RP1: variants seen among roughly 807,000 people sequenced by gnomAD.
RP1 encodes RP1 axonemal microtubule associated.
RP1 carries 16 observed loss-of-function variants against 14.8 expected under a neutral mutation model. That is an observed-to-expected ratio of 1.08 (90% confidence interval 0.73 to 1.65). The LOEUF is 1.65. RP1 is among the 40% of genes most tolerant of loss of function. RP1 has a pLI of 0.00. For missense variants in RP1, 2,631 were observed against 2,535.0 expected, an observed-to-expected ratio of 1.04 and a Z score of -0.81; for synonymous variants, 876 against 883.6, an observed-to-expected ratio of 0.99 and a Z score of 0.15.
intron 8 of RP1, among the ~76,000 whole-genome samples, chr8:54,678,165 A>G (rs1006725715): frequency 3.9e-5 from 6 of 152,212 alleles, no homozygotes; most frequent in African/African-American, 1.4e-4. Context: ...AATGCAGTTT[A>G]TGAAATTAAA....
intron 7 of RP1, among the ~76,000 whole-genome samples, chr8:54,665,607 G>C (rs1484132804): frequency 6.6e-6 from 1 of 152,192 alleles, no homozygotes; most frequent in Non-Finnish European, 1.5e-5. Flanking sequence ...GAGAGGATCT[G>C]TGGCAAATGC....
chr8:54,566,946 A>G (rs4738990), intron 1 of RP1, among the ~76,000 whole-genome samples: 123,480 of 152,024 alleles, frequency 0.81, 50,873 homozygotes, highest in Non-Finnish European at 0.89. Context: ...TGAGGCAGGC[A>G]GTGAGGTGAG....
intron 24 of RP1, among the ~76,000 whole-genome samples, chr8:54,810,560 G>A (rs959352638): frequency 6.6e-6 from 1 of 152,130 alleles, no homozygotes; most frequent in African/African-American, 2.4e-5. Flanking sequence ...GGAAACAGCT[G>A]GAAATAAATT....
chr8:54,701,524 T>A lies in RP1; in HGVS notation c.1860T>A (p.Tyr620Ter). Residue 620 changes from tyrosine to a stop codon, truncating the protein, a stop_gained, in exon 14 of 23, where the codon TAT becomes TAA. Coordinates refer to the RP1 transcript ENST00000636932. LOFTEE classifies it high-confidence loss of function. ...CCACCACTGAGCTGCGGGTGCTTTA[T>A]CAGCCTAACCGCTGTGCACTTCTTG... The A allele has an allele frequency of 6.5e-7, 1 of 1,535,216 alleles. No homozygotes were observed. Among genetic ancestry groups the A allele is most frequent in the Admixed American group, 2.0e-5 (1 of 50,848 alleles).
At chr8:54,660,024 G>T (rs746002785) in intron 6 of RP1, among the ~76,000 whole-genome samples, 7 of 151,952 alleles carry the variant, frequency 4.6e-5, no homozygotes, top group African/African-American at 7.2e-5. Flanking sequence ...TTCTTTGTTA[G>T]TATATAGTAA....
chr8:54,570,786 C>T (rs1325874885), intron 1 of RP1, among the ~76,000 whole-genome samples: 2 of 152,134 alleles, frequency 1.3e-5, no homozygotes, highest in African/African-American at 2.4e-5. Context: ...CATAATTTAT[C>T]TTTTCAGCCT....
At chr8:54,801,989 G>C (rs1810719585) in intron 24 of RP1, among the ~76,000 whole-genome samples, 1 of 152,098 alleles carries the variant, frequency 6.6e-6, no homozygotes, top group Non-Finnish European at 1.5e-5. Flanking sequence ...ATATTTAGAT[G>C]GGTAGTCAGA....
At chr8:54,591,060 C>T (rs1466179589) in intron 1 of RP1, among the ~76,000 whole-genome samples, 3 of 152,296 alleles carry the variant, frequency 2.0e-5, no homozygotes, top group Admixed American at 6.5e-5. Flanking sequence ...TCGTTATTTT[C>T]CTGGCTACAC....
intron 6 of RP1, among the ~76,000 whole-genome samples, chr8:54,663,017 A>T (rs1585588975): frequency 6.6e-6 from 1 of 152,154 alleles, no homozygotes; most frequent in Non-Finnish European, 1.5e-5. Context: ...GTCCAAAAAT[A>T]TTAAATGTAA....
At chr8:54,715,453 T>A (rs1303300527) in intron 15 of RP1, among the ~76,000 whole-genome samples, 2 of 152,250 alleles carry the variant, frequency 1.3e-5, no homozygotes, top group African/African-American at 4.8e-5. Flanking sequence ...ATATTCAATT[T>A]TTATTATTTT....
intron 24 of RP1, among the ~76,000 whole-genome samples, chr8:54,803,582 T>G (rs933867421): frequency 3.3e-5 from 5 of 151,968 alleles, no homozygotes; most frequent in African/African-American, 7.3e-5. Context: ...CTTAAAAGAG[T>G]TGCTTATTGT....
rs780730835 is a variant in RP1, at chr8:54,663,737, T to C, written c.1210T>C (p.Trp404Arg). The C allele has an allele frequency of 8.5e-6, 13 of 1,533,666 alleles. No homozygotes were observed. In the Admixed American group the frequency reaches 9.9e-5, roughly 12 times the overall value. Residue 404 changes from tryptophan (W) to arginine (R), a missense_variant, in exon 7 of 23, where the codon TGG becomes CGG. By Grantham distance (101) the Trp-to-Arg change is moderately radical. Transcript: ENST00000636932. ...AGTGAATGTGGCAACGGGTGAGCTATGGAATGCTGGAACAGTAGCAAACGT... is the reference window on the plus strand; with the variant it reads ...AGTGAATGTGGCAACGGGTGAGCTACGGAATGCTGGAACAGTAGCAAACGT...
At chr8:54,643,218 T>A (rs556734495) in intron 3 of RP1, among the ~76,000 whole-genome samples, 2 of 152,316 alleles carry the variant, frequency 1.3e-5, no homozygotes, top group South Asian at 4.1e-4. Context: ...TATTGAGGTA[T>A]AATTTACATA....
intron 8 of RP1, among the ~76,000 whole-genome samples, chr8:54,676,863 A>G (rs1807305518): frequency 6.6e-6 from 1 of 152,146 alleles, no homozygotes; most frequent in South Asian, 2.1e-4. Context: ...TTCTGGTAAC[A>G]TTTTATTTTT....
At chr8:54,604,548 C>G (rs1007347269) in intron 1 of RP1, among the ~76,000 whole-genome samples, 4 of 152,100 alleles carry the variant, frequency 2.6e-5, no homozygotes, top group Admixed American at 2.6e-4. Context: ...TGATGCTGGC[C>G]TCATAAAATG....
At position 54,857,234 on chromosome 8, in the gene RP1, T is replaced by C. The variant is rs116314359; in HGVS notation, c.4069+128T>C. On this transcript the variant is annotated intron_variant, in intron 27 of 28. Coordinates refer to the RP1 transcript ENST00000637698. ...CAGATAAGAAAATAATCTTATTTTATATTATATTTAATGTAAATATATGAA... is the reference window on the plus strand; with the variant it reads ...CAGATAAGAAAATAATCTTATTTTACATTATATTTAATGTAAATATATGAA... 6.4e-3 allele frequency: 1,357 copies of C among 212,834 alleles called. 16 individuals are homozygous for C. The highest frequency in any genetic ancestry group is 0.027 in the African/African-American group (1,131 of 42,600). 13.2% of individuals were successfully genotyped at this position (212,834 alleles called of 1,614,324 possible).
chr8:54,852,115 GTTT>G (rs145224064), intron 25 of RP1, among the ~76,000 whole-genome samples: 2 of 150,310 alleles, frequency 1.3e-5, no homozygotes, highest in Non-Finnish European at 3.0e-5. Context: ...TAGGATCTTT[GTTT>G]TTTTTTCTCC....
At chr8:54,782,002 C>T (rs900589247) in intron 23 of RP1, among the ~76,000 whole-genome samples, 1 of 152,114 alleles carries the variant, frequency 6.6e-6, no homozygotes, top group Admixed American at 6.6e-5. Context: ...ACAGCAGGCC[C>T]AGATGGCCGG....
downstream of RP1, among the ~76,000 whole-genome samples, chr8:54,772,279 T>G (rs1244831745): frequency 1.3e-5 from 2 of 152,112 alleles, no homozygotes; most frequent in Non-Finnish European, 2.9e-5. Flanking sequence ...TTCATTGTTA[T>G]CAGTGCCTTT....
Sources: gnomAD v4.1 joint callset for allele counts (sites outside exome capture counted in the v4.1 genomes callset) on GRCh38, gnomAD v4.1.1 for gene constraint, MANE v1.5 for transcripts, NCBI Gene and HGNC (gene_info 2026-07-23, HGNC 2026-07-21) for gene names.